The following UNC5B variants were observed in gnomAD, a reference collection of about 807,000 sequenced individuals.
UNC5B encodes netrin receptor UNC5B.
A neutral mutation model predicts 103.7 loss-of-function variants in UNC5B; 56 were observed. The observed-to-expected ratio is 0.54, with a 90% confidence interval of 0.44 to 0.67. The LOEUF (loss-of-function observed/expected upper bound fraction) is 0.67, where lower values mean the gene tolerates loss of function less well. Ranked by LOEUF, UNC5B falls within the 30% of genes least tolerant of loss-of-function variation. UNC5B has a pLI of 0.00. For synonymous variants in UNC5B, 577 were observed against 542.0 expected, an observed-to-expected ratio of 1.06 and a Z score of -0.90; for missense variants, 1,194 against 1,284.5, an observed-to-expected ratio of 0.93 and a Z score of 1.08.
chr10:71,213,616 A>G lies in UNC5B; in HGVS notation c.79+552A>G, dbSNP rs1230442537. On this transcript the variant is annotated intron_variant, in intron 1 of 16. Transcript: ENST00000335350. This position sits in a 1 kb window ranked among gnomAD's most constrained non-coding sequence, Gnocchi z 4.1. Reference sequence around the variant, plus strand: ...GGCTTGCAGGGCTCCTGAAGCGGGGAGGGCTAAGTCTTGCACACATAGCTT... The same window carrying G: ...GGCTTGCAGGGCTCCTGAAGCGGGGGGGGCTAAGTCTTGCACACATAGCTT... Among the ~76,000 whole-genome samples, 1 of 151,674 alleles carries G rather than the reference A, an allele frequency of 6.6e-6. No homozygotes were observed. Among genetic ancestry groups the G allele is most frequent in the African/African-American group, 2.4e-5 (1 of 41,220 alleles).
At chr10:71,219,936 T>C (rs1843418425) in intron 1 of UNC5B, among the ~76,000 whole-genome samples, 1 of 152,096 alleles carries the variant, frequency 6.6e-6, no homozygotes, top group South Asian at 2.1e-4. Context: ...GAAGAGAGGA[T>C]GGGATGGGGG....
At chr10:71,282,466 G>C (rs1844955324) in intron 2 of UNC5B, among the ~76,000 whole-genome samples, 1 of 152,128 alleles carries the variant, frequency 6.6e-6, no homozygotes, top group African/African-American at 2.4e-5. Flanking sequence ...CTCCTCCCTG[G>C]TGGTTGTTTC....
chr10:71,238,762 C>T (rs990179161), intron 1 of UNC5B, among the ~76,000 whole-genome samples: 3 of 152,172 alleles, frequency 2.0e-5, no homozygotes, highest in African/African-American at 4.8e-5. Context: ...CTCTCTTATA[C>T]ATATCCTCAG....
chr10:71,281,977 G>A (rs529940667), intron 2 of UNC5B, among the ~76,000 whole-genome samples: 14 of 152,320 alleles, frequency 9.2e-5, no homozygotes, highest in Non-Finnish European at 2.1e-4. Flanking sequence ...CGGGGTCCAG[G>A]CAAGGCGAGG....
chr10:71,266,359 G>C (rs1281806491), intron 1 of UNC5B, among the ~76,000 whole-genome samples: 2 of 152,040 alleles, frequency 1.3e-5, no homozygotes, highest in Admixed American at 1.3e-4. Flanking sequence ...GCCCCTCCTG[G>C]AGGAGCCCTC....
At chr10:71,280,195 A>G in intron 2 of UNC5B, 150 bp downstream of exon 2, 1 of 831,818 alleles carries the variant, frequency 1.2e-6, no homozygotes. Flanking sequence ...TGACTTTGGG[A>G]CCATCTCCAC....
chr10:71,281,336 A>G (rs7903030), intron 2 of UNC5B, among the ~76,000 whole-genome samples: 26,951 of 150,930 alleles, frequency 0.18, 2,534 homozygotes, highest in Middle Eastern at 0.25. Flanking sequence ...AAAAATGGAA[A>G]AAGGAATTTT....
intron 13 of UNC5B, among the ~76,000 whole-genome samples, chr10:71,294,981 A>G (rs1182663636): frequency 6.6e-6 from 1 of 152,056 alleles, no homozygotes; most frequent in Non-Finnish European, 1.5e-5. Context: ...CCCTCCTCCC[A>G]TCTGCCCTCC....
intron 1 of UNC5B, among the ~76,000 whole-genome samples, chr10:71,248,092 TG>T (rs1218437539): frequency 6.6e-6 from 1 of 152,284 alleles, no homozygotes; most frequent in African/African-American, 2.4e-5. Context: ...TCCAGGCTTG[TG>T]GTATCTCAGG....
chr10:71,271,173 G>A (rs1008125378), intron 1 of UNC5B, among the ~76,000 whole-genome samples: 4 of 152,248 alleles, frequency 2.6e-5, no homozygotes, highest in African/African-American at 9.6e-5. Flanking sequence ...GCTCCTGAGA[G>A]GACAGAACAA....
intron 1 of UNC5B, among the ~76,000 whole-genome samples, chr10:71,248,623 G>A (rs147593515): frequency 1.4e-3 from 214 of 152,226 alleles, no homozygotes; most frequent in African/African-American, 4.8e-3. Context: ...CCAGTAGACC[G>A]GCTAATATCT....
At chr10:71,272,068 G>C (rs1844659430) in intron 1 of UNC5B, among the ~76,000 whole-genome samples, 1 of 152,158 alleles carries the variant, frequency 6.6e-6, no homozygotes, top group South Asian at 2.1e-4. Flanking sequence ...ATGTGAGGTT[G>C]TGTGTTTTTA....
rs530645881 is a variant in UNC5B at position 71,299,458 on chromosome 10, G to A, written c.*181G>A. On this transcript the variant is annotated 3_prime_UTR_variant, in exon 17 of 17. Coordinates refer to ENST00000335350, the MANE Select transcript of UNC5B (RefSeq NM_170744.5). Reference sequence around the variant, plus strand: ...CAGCCTTAGAAAATCCATGTACTCTGTTGTTAGAGGGCCCAGAGTTCCTTC... The same window carrying A: ...CAGCCTTAGAAAATCCATGTACTCTATTGTTAGAGGGCCCAGAGTTCCTTC... 1 of 686,106 alleles carries A rather than the reference G, an allele frequency of 1.5e-6. No individual in the cohort carries two copies. Among genetic ancestry groups the A allele is most frequent in the East Asian group, 2.8e-5 (1 of 35,848 alleles). The allele number at this position is 686,106 out of a possible 1,614,324, so 42.5% of individuals were successfully genotyped here.
In UNC5B at chr10:71,286,803, T is replaced by C. The variant is rs747578766; in HGVS notation, c.667T>C (p.Tyr223His). 2 of 1,614,100 alleles carry C rather than the reference T, an allele frequency of 1.2e-6. No individual in the cohort carries two copies. The highest frequency in any genetic ancestry group is 3.3e-5 in the Admixed American group (2 of 60,020). The change falls in exon 5 of 17, where the codon TAT becomes CAT. Residue 223 changes from tyrosine (Y) to histidine (H), a missense_variant. Physicochemically the swap from Tyr to His is moderately conservative, Grantham distance 83. Coordinates refer to ENST00000335350, the MANE Select transcript of UNC5B (RefSeq NM_170744.5). Reference sequence around the variant, plus strand: ...GGCCCGCCTGTCGGACACTGCCAACTATACCTGCGTGGCCAAGAACATCGT... The same window carrying C: ...GGCCCGCCTGTCGGACACTGCCAACCATACCTGCGTGGCCAAGAACATCGT... ...RQARLSDTAN[Y>H]TCVAKNIVAK...
At chr10:71,241,272 G>C (rs186558287) in intron 1 of UNC5B, among the ~76,000 whole-genome samples, 1 of 152,332 alleles carries the variant, frequency 6.6e-6, no homozygotes, top group Non-Finnish European at 1.5e-5. Flanking sequence ...AAGCAGGCCT[G>C]AGAAGCTTGG....
chr10:71,292,829 A>C (rs758296845), intron 11 of UNC5B, among the ~76,000 whole-genome samples: 2 of 152,226 alleles, frequency 1.3e-5, no homozygotes, highest in African/African-American at 2.4e-5. Context: ...TAAACATCTC[A>C]CTGTGAAAAT....
At chr10:71,289,565 G>A (rs16928641) in intron 8 of UNC5B, among the ~76,000 whole-genome samples, 15,311 of 152,300 alleles carry the variant, frequency 0.1, 1,201 homozygotes, top group African/African-American at 0.22. Flanking sequence ...ACTTGAGCAG[G>A]TTGGCCCATG....
chr10:71,213,728 A>AGAGTGTGTGT lies in UNC5B; in HGVS notation c.79+665_79+666insAGTGTGTGTG, dbSNP rs144371231. On this transcript the variant is annotated intron_variant, in intron 1 of 16. Transcript: ENST00000335350. The surrounding 1 kb of genome is among the most constrained non-coding windows in gnomAD (Gnocchi z 4.1). Reference sequence around the variant, plus strand: ...ATTATTAATTTTCTGAGTGTTGGAGAGTGTGTGTGTGTGTGTGTGTGTGTG... The same window carrying AGAGTGTGTGT: ...ATTATTAATTTTCTGAGTGTTGGAGAGAGTGTGTGTGTGTGTGTGTGTGTGTGTGTGTGTG... Among the ~76,000 whole-genome samples the AGAGTGTGTGT allele has an allele frequency of 4.3e-4, 56 of 131,466 alleles. No individual in the cohort carries two copies. The highest frequency in any genetic ancestry group is 1.5e-3 in the African/African-American group (53 of 34,252). 86.2% of individuals were successfully genotyped at this position (131,466 alleles called of 152,430 possible).
chr10:71,212,747 C>T lies in UNC5B; in HGVS notation c.-239C>T. On this transcript the variant is annotated 5_prime_UTR_variant, in exon 1 of 17. Transcript: ENST00000335350. ...AGGCGAGCGCTCAGAGACCCGGAGC[C>T]AGAGGGGCGCGCCGGAGCCTCGTTC... is the stretch of plus-strand genomic sequence containing the variant. 2.9e-6 allele frequency: 1 copy of T among 345,554 alleles called. No homozygotes were observed. 21.4% of individuals were successfully genotyped at this position (345,554 alleles called of 1,614,324 possible).
Sources: gnomAD v4.1 joint callset for allele counts (sites outside exome capture counted in the v4.1 genomes callset) on GRCh38, gnomAD v4.1.1 for gene constraint, Gnocchi (gnomAD v3.1) non-coding constraint, MANE v1.5 for transcripts, NCBI Gene and HGNC (gene_info 2026-07-23, HGNC 2026-07-21) for gene names.